SPPL3: variants seen among roughly 807,000 people sequenced by gnomAD.
The protein encoded by SPPL3 is signal peptide peptidase like 3, also known as signal peptide peptidase-like 3.
Under a neutral mutation model 42.4 loss-of-function variants are expected in SPPL3, and 5 were observed. The observed-to-expected ratio is 0.12, with a 90% CI of 0.06 to 0.25. The LOEUF is 0.25. Ranked by LOEUF, SPPL3 falls within the 10% of genes least tolerant of loss-of-function variation. SPPL3 has a pLI of 1.00. For missense variants in SPPL3, 235 were observed against 489.0 expected (o/e 0.48, Z 4.90); for synonymous variants, 195 against 181.8 (o/e 1.07, Z -0.58).
At chr12:120,864,649 G>A (rs547960768) in intron 1 of SPPL3, among the ~76,000 whole-genome samples, 45 of 152,218 alleles carry the variant, frequency 3.0e-4, no homozygotes, top group African/African-American at 1.1e-3. Flanking sequence ...ACTCAAAGCT[G>A]AATAACCATA....
chr12:120,891,373 C>A (rs1806635821), intron 1 of SPPL3, among the ~76,000 whole-genome samples: 1 of 152,026 alleles, frequency 6.6e-6, no homozygotes, highest in South Asian at 2.1e-4. Context: ...AAGATTGAGG[C>A]ACTGCTATAT....
At chr12:120,831,642 T>A (rs556971891) in intron 1 of SPPL3, among the ~76,000 whole-genome samples, 26 of 152,346 alleles carry the variant, frequency 1.7e-4, no homozygotes, top group African/African-American at 6.3e-4. Flanking sequence ...TTTCCACTAA[T>A]AGGTGTGTGC....
intron 1 of SPPL3, among the ~76,000 whole-genome samples, chr12:120,877,922 T>A (rs1038731744): frequency 2.0e-5 from 3 of 151,858 alleles, no homozygotes; most frequent in Admixed American, 1.3e-4. Flanking sequence ...CTTGGGAGCC[T>A]GAGGCAGGAG....
intron 1 of SPPL3, among the ~76,000 whole-genome samples, chr12:120,811,634 T>C (rs1301769059): frequency 6.6e-6 from 1 of 152,228 alleles, no homozygotes; most frequent in Non-Finnish European, 1.5e-5. Flanking sequence ...ACCCTCCACA[T>C]TGCCCATTCT....
intron 2 of SPPL3, among the ~76,000 whole-genome samples, chr12:120,795,555 C>T (rs187930542): frequency 6.8e-4 from 103 of 152,282 alleles, no homozygotes; most frequent in Non-Finnish European, 9.0e-4. Context: ...GTTACATTGA[C>T]TTTTCACTTG....
At chr12:120,819,883 G>A (rs1870999425) in intron 1 of SPPL3, among the ~76,000 whole-genome samples, 1 of 152,172 alleles carries the variant, frequency 6.6e-6, no homozygotes, top group South Asian at 2.1e-4. Flanking sequence ...ACCGCCTGGT[G>A]CCACTGCCTT....
intron 1 of SPPL3, among the ~76,000 whole-genome samples, chr12:120,832,400 G>A (rs1373773326): frequency 5.9e-5 from 9 of 152,154 alleles, no homozygotes; most frequent in South Asian, 2.1e-4. Flanking sequence ...GGCCAGGCAC[G>A]GTGGCTCACA....
At chr12:120,794,302 C>G (rs1210802375) in intron 2 of SPPL3, among the ~76,000 whole-genome samples, 2 of 152,046 alleles carry the variant, frequency 1.3e-5, no homozygotes, top group Non-Finnish European at 2.9e-5. Flanking sequence ...CACTAGACAA[C>G]AGGGATTAAC....
At chr12:120,825,089 A>T (rs557294885) in intron 1 of SPPL3, among the ~76,000 whole-genome samples, 1 of 152,224 alleles carries the variant, frequency 6.6e-6, no homozygotes, top group Non-Finnish European at 1.5e-5. Flanking sequence ...TTTATAACAC[A>T]AATGGAATCT....
At chr12:120,777,975 A>G (rs1869387585) in intron 6 of SPPL3, among the ~76,000 whole-genome samples, 1 of 152,186 alleles carries the variant, frequency 6.6e-6, no homozygotes, top group Non-Finnish European at 1.5e-5. Context: ...CTGCAAACTC[A>G]AGGAACTGTT....
chr12:120,840,936 T>TTTCA (rs3050429), intron 1 of SPPL3, among the ~76,000 whole-genome samples: 29,117 of 151,076 alleles, frequency 0.19, 4,406 homozygotes, highest in African/African-American at 0.41. Context: ...TGAGACTCCA[T>TTTCA]TTCATTCATT....
chr12:120,850,961 T>C (rs1872203031), intron 1 of SPPL3, among the ~76,000 whole-genome samples: 1 of 152,216 alleles, frequency 6.6e-6, no homozygotes, highest in South Asian at 2.1e-4. Context: ...GATAATCTCA[T>C]CTCAAAAATA....
chr12:120,867,517 T>C (rs893135820), intron 1 of SPPL3, among the ~76,000 whole-genome samples: 1 of 151,910 alleles, frequency 6.6e-6, no homozygotes, highest in Non-Finnish European at 1.5e-5. Context: ...TACAAAAAAC[T>C]AGCTGGGTGT....
intron 10 of SPPL3, among the ~76,000 whole-genome samples, chr12:120,765,574 CT>C (rs1324919873): frequency 1.3e-5 from 2 of 152,130 alleles, no homozygotes; most frequent in Non-Finnish European, 2.9e-5. Context: ...CACCATGCCC[CT>C]GGCCCCTTTC....
intron 1 of SPPL3, among the ~76,000 whole-genome samples, chr12:120,836,341 G>A (rs1871619737): frequency 6.6e-6 from 1 of 152,220 alleles, no homozygotes; most frequent in Non-Finnish European, 1.5e-5. Context: ...TGGCATGCAA[G>A]GAAGTCCAGG....
chr12:120,793,545 A>G (rs1254381298), intron 2 of SPPL3, among the ~76,000 whole-genome samples: 1 of 152,194 alleles, frequency 6.6e-6, no homozygotes, highest in African/African-American at 2.4e-5. Flanking sequence ...TATAATAAAA[A>G]AGTCAGATAA....
At chr12:120,783,124 A>G (rs1371887530) in intron 5 of SPPL3, among the ~76,000 whole-genome samples, 3 of 152,228 alleles carry the variant, frequency 2.0e-5, no homozygotes, top group Non-Finnish European at 4.4e-5. Flanking sequence ...GTATCACTCT[A>G]TTTAGAAGAT....
intron 1 of SPPL3, among the ~76,000 whole-genome samples, chr12:120,898,149 A>G (rs1873866924): frequency 1.3e-5 from 2 of 151,910 alleles, no homozygotes; most frequent in Admixed American, 6.6e-5. Flanking sequence ...TCATGTCTAC[A>G]AAAAATTAGC....
intron 1 of SPPL3, among the ~76,000 whole-genome samples, chr12:120,855,391 G>T (rs1872417389): frequency 6.6e-6 from 1 of 152,072 alleles, no homozygotes; most frequent in Non-Finnish European, 1.5e-5. Context: ...AAAATGACTG[G>T]TCTCAAGAAA....
Sources: gnomAD v4.1 joint callset for allele counts (sites outside exome capture counted in the v4.1 genomes callset) on GRCh38, gnomAD v4.1.1 for gene constraint, MANE v1.5 for transcripts, NCBI Gene and HGNC (gene_info 2026-07-23, HGNC 2026-07-21) for gene names.